The following PAK5 variants were observed in gnomAD, a reference collection of about 807,000 sequenced individuals.
The protein encoded by PAK5 is p21 (RAC1) activated kinase 5.
A neutral mutation model predicts 65.9 loss-of-function variants in PAK5; 16 were observed. That is an observed-to-expected ratio of 0.24 (90% CI 0.16 to 0.37). The LOEUF (loss-of-function observed/expected upper bound fraction) is 0.37, where lower values mean the gene tolerates loss of function less well. Ranked by LOEUF, PAK5 falls within the 10% of genes least tolerant of loss-of-function variation. PAK5 has a pLI of 1.00. For missense variants in PAK5, 785 were observed against 903.9 expected (o/e 0.87, Z 1.69); for synonymous variants, 371 against 354.9 (o/e 1.05, Z -0.51).
intron 3 of PAK5, among the ~76,000 whole-genome samples, chr20:9,629,476 C>A (rs2046893134): frequency 7.6e-6 from 1 of 131,148 alleles, no homozygotes; most frequent in African/African-American, 2.5e-5. Flanking sequence ...TCTTCCTCCT[C>A]CTTTTTTTTT....
In PAK5 at chr20:9,539,621, T is replaced by C; in HGVS notation, c.2005-4A>G. On this transcript the variant is annotated splice_polypyrimidine_tract_variant and splice_region_variant and intron_variant, in intron 9 of 9. Transcript: ENST00000353224. ...ATCCCCGGAGCACTGAAGAAACCTG[T>C]GAAAACACACAGATACCAATCTGAG... 3 of 1,612,752 alleles carry C rather than the reference T, an allele frequency of 1.9e-6. No individual in the cohort carries two copies. The highest frequency in any genetic ancestry group is 1.1e-5 in the South Asian group (1 of 91,022).
chr20:9,605,464 T>C (rs2046436536), intron 3 of PAK5, among the ~76,000 whole-genome samples: 1 of 152,218 alleles, frequency 6.6e-6, no homozygotes, highest in African/African-American at 2.4e-5. Flanking sequence ...TAAGGTCTTA[T>C]GCGAACTATG....
intron 1 of PAK5, among the ~76,000 whole-genome samples, chr20:9,782,834 C>T (rs1178628746): frequency 6.6e-6 from 1 of 152,110 alleles, no homozygotes; most frequent in Non-Finnish European, 1.5e-5. Flanking sequence ...CCAGAGGAGG[C>T]CCCACCCACC....
intron 1 of PAK5, among the ~76,000 whole-genome samples, chr20:9,727,806 C>T (rs547297331): frequency 3.9e-5 from 6 of 152,022 alleles, no homozygotes; most frequent in Non-Finnish European, 7.4e-5. Flanking sequence ...CTTGGGGCTC[C>T]TGCATGTTGG....
chr20:9,618,167 G>A (rs2046695455), intron 3 of PAK5, among the ~76,000 whole-genome samples: 1 of 151,940 alleles, frequency 6.6e-6, no homozygotes, highest in African/African-American at 2.4e-5. Context: ...TACAGCGCTG[G>A]GCGACACTAT....
At chr20:9,701,490 G>A (rs2047939062) in intron 2 of PAK5, among the ~76,000 whole-genome samples, 1 of 152,108 alleles carries the variant, frequency 6.6e-6, no homozygotes, top group Non-Finnish European at 1.5e-5. Context: ...CTGCACAAGA[G>A]ATAAGAATAC....
chr20:9,779,578 T>C (rs1256506458), intron 1 of PAK5, among the ~76,000 whole-genome samples: 2 of 151,798 alleles, frequency 1.3e-5, no homozygotes, highest in African/African-American at 2.4e-5. Flanking sequence ...TAACTGATTA[T>C]AAATTTTCTG....
chr20:9,729,431 G>T (rs971925761), intron 1 of PAK5, among the ~76,000 whole-genome samples: 17 of 152,238 alleles, frequency 1.1e-4, no homozygotes, highest in African/African-American at 3.9e-4. Context: ...GCTGGTTGTT[G>T]TCTCAATATC....
At chr20:9,624,951 T>C (rs2046822500) in intron 3 of PAK5, among the ~76,000 whole-genome samples, 1 of 152,206 alleles carries the variant, frequency 6.6e-6, no homozygotes. Context: ...ATTCTTCACA[T>C]TGGTTTGTGG....
intron 1 of PAK5, among the ~76,000 whole-genome samples, chr20:9,715,553 C>A (rs1422198386): frequency 6.6e-6 from 1 of 152,030 alleles, no homozygotes; most frequent in Admixed American, 6.6e-5. Flanking sequence ...TGGGTATATA[C>A]CCAAAGGATT....
At chr20:9,780,960 G>A (rs2048934856) in intron 1 of PAK5, among the ~76,000 whole-genome samples, 1 of 151,984 alleles carries the variant, frequency 6.6e-6, no homozygotes, top group African/African-American at 2.4e-5. Context: ...TACTGACAGA[G>A]GTCTCAGATT....
At chr20:9,690,999 C>A (rs1053600415) in intron 2 of PAK5, among the ~76,000 whole-genome samples, 1 of 152,028 alleles carries the variant, frequency 6.6e-6, no homozygotes, top group African/African-American at 2.4e-5. Context: ...AGGTGATCCA[C>A]CTGCCTCGGC....
chr20:9,821,934 G>A (rs1051884213), intron 1 of PAK5, among the ~76,000 whole-genome samples: 4 of 152,088 alleles, frequency 2.6e-5, no homozygotes, highest in African/African-American at 9.7e-5. Flanking sequence ...CATTTTTGGG[G>A]ATATAGAGTT....
intron 2 of PAK5, among the ~76,000 whole-genome samples, chr20:9,681,818 C>T (rs995666802): frequency 9.2e-5 from 14 of 152,024 alleles, no homozygotes; most frequent in Non-Finnish European, 1.6e-4. Flanking sequence ...TTGATTTTCT[C>T]TCGCTTAAAT....
chr20:9,541,886 C>T (rs60880623), intron 9 of PAK5, among the ~76,000 whole-genome samples: 7,278 of 152,220 alleles, frequency 0.048, 327 homozygotes, highest in East Asian at 0.23. Context: ...TTCCCCTGTG[C>T]GCTCTCTCTC....
intron 2 of PAK5, among the ~76,000 whole-genome samples, chr20:9,692,817 C>T (rs2047815411): frequency 6.6e-6 from 1 of 152,046 alleles, no homozygotes; most frequent in South Asian, 2.1e-4. Context: ...AGCTTGGCAG[C>T]TGTGTGAGCC....
At chr20:9,799,939 CAAAA>C (rs71331383) in intron 1 of PAK5, among the ~76,000 whole-genome samples, 116 of 43,640 alleles carry the variant, frequency 2.7e-3, no homozygotes, top group African/African-American at 8.3e-3. Flanking sequence ...ACTCTGTCTC[CAAAA>C]AAAAAAAAAA....
At chr20:9,759,060 A>G (rs549522208) in intron 1 of PAK5, among the ~76,000 whole-genome samples, 1 of 152,250 alleles carries the variant, frequency 6.6e-6, no homozygotes, top group South Asian at 2.1e-4. Flanking sequence ...CTTGGCTCCT[A>G]GGAACTCTTA....
intron 3 of PAK5, among the ~76,000 whole-genome samples, chr20:9,602,934 C>T (rs1401168843): frequency 6.6e-6 from 1 of 152,230 alleles, no homozygotes; most frequent in Non-Finnish European, 1.5e-5. Flanking sequence ...AAGATGTCAT[C>T]ACTCACGAAT....
Sources: gnomAD v4.1 joint callset for allele counts (sites outside exome capture counted in the v4.1 genomes callset) on GRCh38, gnomAD v4.1.1 for gene constraint, MANE v1.5 for transcripts, NCBI Gene and HGNC (gene_info 2026-07-23, HGNC 2026-07-21) for gene names.